NKAIN3: variants seen among roughly 807,000 people sequenced by gnomAD.
The protein encoded by NKAIN3 is sodium/potassium-transporting ATPase subunit beta-1-interacting protein 3.
NKAIN3 carries 25 observed loss-of-function variants against 30.2 expected under a neutral mutation model. That is an observed-to-expected ratio of 0.83 (90% CI 0.60 to 1.16). The LOEUF (loss-of-function observed/expected upper bound fraction) is 1.16. NKAIN3 is among the 50% of genes most tolerant of loss of function. The pLI, the probability that NKAIN3 is intolerant of heterozygous loss-of-function variation, is 0.00. For synonymous variants in NKAIN3, 91 were observed against 89.6 expected (o/e 1.02, Z -0.09); for missense variants, 225 against 254.1 (o/e 0.89, Z 0.78).
At position 62,681,091 on chromosome 8, in the gene NKAIN3, C is replaced by A. The variant is rs1384680729; in HGVS notation, c.274-65841C>A. On this transcript the variant is annotated intron_variant, in intron 3 of 6. Coordinates refer to ENST00000623646, the MANE Select transcript of NKAIN3 (RefSeq NM_001304533.3). ...CCCTTGATGTTGAATCATGCCATAC[C>A]ACACCTGAATCGTCCCACTTGATTA... 2.6e-5 allele frequency among the ~76,000 whole-genome samples: 4 copies of A among 152,122 alleles called. No individual in the cohort carries two copies. The South Asian group carries it at 8.3e-4, about 32-fold the overall frequency.
intron 5 of NKAIN3, among the ~76,000 whole-genome samples, chr8:62,950,286 C>T (rs1823246326): frequency 6.6e-6 from 1 of 152,128 alleles, no homozygotes; most frequent in African/African-American, 2.4e-5. Context: ...TTTACTTGAG[C>T]TCTCATCCCA....
chr8:62,682,641 G>A (rs1027851227), intron 3 of NKAIN3, among the ~76,000 whole-genome samples: 1 of 152,186 alleles, frequency 6.6e-6, no homozygotes, highest in African/African-American at 2.4e-5. Flanking sequence ...GGAGGGTGGG[G>A]AGTGCAATAT....
rs146754141 is a variant in NKAIN3, at chr8:62,270,921, A to C, written c.54+21794A>C. On this transcript the variant is annotated intron_variant, in intron 1 of 6. Transcript: ENST00000623646. The stretch of plus-strand genomic sequence containing the variant: ...ATTGAAGTTTAGCATGTCTTGTGAA[A>C]TAATTTTTCTTCCTGTTCATTTGAA... Among the ~76,000 whole-genome samples, 211 of 152,358 alleles carry C rather than the reference A, an allele frequency of 1.4e-3. 6 individuals carry two copies. The East Asian group carries it at 0.035, about 25-fold the overall frequency.
chr8:62,441,083 C>T (rs1188016150), intron 1 of NKAIN3, among the ~76,000 whole-genome samples: 1 of 151,994 alleles, frequency 6.6e-6, no homozygotes, highest in Non-Finnish European at 1.5e-5. Flanking sequence ...CTTTGTTTTA[C>T]CTCTTGCTTT....
intron 3 of NKAIN3, among the ~76,000 whole-genome samples, chr8:62,727,523 A>G (rs576228104): frequency 7.8e-4 from 119 of 152,290 alleles, no homozygotes; most frequent in Non-Finnish European, 1.5e-3. Context: ...GTTAATATAT[A>G]AAAGCTAATC....
intron 4 of NKAIN3, chr8:62,855,604 TG>T: frequency 1.2e-6 from 2 of 1,601,552 alleles, no homozygotes; most frequent in Non-Finnish European, 8.5e-7. Flanking sequence ...TCAGGTCCAC[TG>T]CTTGTTCAGT....
chr8:62,341,170 A>G (rs1474871461), intron 1 of NKAIN3, among the ~76,000 whole-genome samples: 2 of 152,154 alleles, frequency 1.3e-5, no homozygotes, highest in East Asian at 3.9e-4. Flanking sequence ...ACAAGTGACA[A>G]TGGGGAATTT....
intron 1 of NKAIN3, among the ~76,000 whole-genome samples, chr8:62,519,185 A>T (rs1808082070): frequency 1.3e-5 from 2 of 152,156 alleles, no homozygotes; most frequent in South Asian, 4.1e-4. Flanking sequence ...TTACCAACAG[A>T]TGAAGTAACC....
chr8:62,746,660 T>C (rs965322825), intron 3 of NKAIN3, among the ~76,000 whole-genome samples: 9 of 152,242 alleles, frequency 5.9e-5, no homozygotes, highest in African/African-American at 2.2e-4. Context: ...TAAATGTATA[T>C]GGAAGATCTC....
chr8:62,400,801 A>G (rs183442382), intron 1 of NKAIN3, among the ~76,000 whole-genome samples: 1 of 151,564 alleles, frequency 6.6e-6, no homozygotes, highest in East Asian at 1.9e-4. Flanking sequence ...TTGGAGCTCC[A>G]TTGTATATTA....
chr8:62,624,560 A>T (rs753025470), intron 3 of NKAIN3, among the ~76,000 whole-genome samples: 3 of 151,036 alleles, frequency 2.0e-5, no homozygotes, highest in Non-Finnish European at 2.9e-5. Context: ...TGAATATGAT[A>T]TAACCAGTTG....
In NKAIN3 at chr8:62,975,508, T is replaced by A. The variant is rs1305241211; in HGVS notation, c.*10101T>A. Among the ~76,000 whole-genome samples, 1 of 152,208 alleles carries A rather than the reference T, an allele frequency of 6.6e-6. No individual in the cohort carries two copies. Among genetic ancestry groups the A allele is most frequent in the Non-Finnish European group, 1.5e-5 (1 of 68,036 alleles). Reference sequence around the variant, plus strand: ...TGCATTTCTGTGGGATTAGTGGTGATCTCCACTTTATCACTTTTTATTGTG... The same window carrying A: ...TGCATTTCTGTGGGATTAGTGGTGAACTCCACTTTATCACTTTTTATTGTG... On this transcript the variant is annotated 3_prime_UTR_variant, in exon 7 of 7. Transcript: ENST00000623646.
chr8:62,375,512 C>T (rs1424944423), intron 1 of NKAIN3, among the ~76,000 whole-genome samples: 1 of 152,088 alleles, frequency 6.6e-6, no homozygotes, highest in East Asian at 1.9e-4. Flanking sequence ...TATCCATGAG[C>T]CCACATTTTA....
intron 4 of NKAIN3, among the ~76,000 whole-genome samples, chr8:62,747,634 C>G (rs116313074): frequency 0.014 from 2,088 of 152,204 alleles, 44 homozygotes; most frequent in African/African-American, 0.049. Flanking sequence ...TATACAGAAA[C>G]GAGAAGGAAA....
chr8:62,281,596 A>C (rs1326185841), intron 1 of NKAIN3, among the ~76,000 whole-genome samples: 1 of 152,116 alleles, frequency 6.6e-6, no homozygotes, highest in East Asian at 1.9e-4. Flanking sequence ...ATTGGTTTCA[A>C]AGAACATCTT....
chr8:62,372,045 T>C (rs1188907826), intron 1 of NKAIN3, among the ~76,000 whole-genome samples: 2 of 151,956 alleles, frequency 1.3e-5, no homozygotes, highest in African/African-American at 4.8e-5. Flanking sequence ...AGATATATCT[T>C]AGTCCTGGTT....
chr8:62,699,530 C>G (rs561647649), intron 3 of NKAIN3, among the ~76,000 whole-genome samples: 109 of 152,350 alleles, frequency 7.2e-4, no homozygotes, highest in African/African-American at 2.6e-3. Context: ...ATATCTGCTT[C>G]TCTTCCACCT....
chr8:62,658,245 C>CTAAT (rs1812824502), intron 3 of NKAIN3, among the ~76,000 whole-genome samples: 1 of 152,146 alleles, frequency 6.6e-6, no homozygotes, highest in Non-Finnish European at 1.5e-5. Flanking sequence ...TCTCCCCGGG[C>CTAAT]ATTAAGGATC....
At chr8:62,263,307 G>T (rs1026877732) in intron 1 of NKAIN3, among the ~76,000 whole-genome samples, 1 of 152,140 alleles carries the variant, frequency 6.6e-6, no homozygotes, top group African/African-American at 2.4e-5. Context: ...TATAAAAACA[G>T]AAATGTACTT....
Sources: allele counts gnomAD v4.1 joint callset (sites outside exome capture counted in the v4.1 genomes callset), GRCh38; gene constraint gnomAD v4.1.1; transcripts MANE v1.5; gene names NCBI Gene and HGNC (gene_info 2026-07-23, HGNC 2026-07-21).